TMEM67: variants seen among roughly 807,000 people sequenced by gnomAD.
The protein encoded by TMEM67 is transmembrane protein 67.
A neutral mutation model predicts 136.6 loss-of-function variants in TMEM67; 124 were observed. The ratio of observed to expected loss-of-function variants is 0.91; its 90% confidence interval spans 0.78 to 1.05. The LOEUF is 1.05. Ranked by LOEUF, TMEM67 falls within the 50% of genes least tolerant of loss-of-function variation. TMEM67 has a pLI of 0.00. For synonymous variants in TMEM67, 364 were observed against 390.5 expected, an observed-to-expected ratio of 0.93 and a Z score of 0.80; for missense variants, 1,107 against 1,178.4, an observed-to-expected ratio of 0.94 and a Z score of 0.89.
Position 93,782,469 on chromosome 8 carries a change from G to C in TMEM67, c.1131+9G>C. On this transcript the variant is annotated intron_variant, in intron 11 of 27. Coordinates refer to ENST00000453321, the MANE Select transcript of TMEM67 (RefSeq NM_153704.6). ...CAACCTACCAACAAAATGTAAGTTT[G>C]AACGATATTAGTCTATATTTTAGCT... 1 of 1,598,846 alleles carries C rather than the reference G, an allele frequency of 6.3e-7. No homozygotes were observed. The highest frequency in any genetic ancestry group is 8.6e-7 in the Non-Finnish European group (1 of 1,168,726).
chr8:93,767,289 G>A (rs919199273), intron 6 of TMEM67, among the ~76,000 whole-genome samples: 1 of 152,190 alleles, frequency 6.6e-6, no homozygotes, highest in African/African-American at 2.4e-5. Context: ...GTGTCTACCT[G>A]TGCCACCACT....
intron 7 of TMEM67, among the ~76,000 whole-genome samples, chr8:93,774,280 G>T (rs948985566): frequency 2.0e-5 from 3 of 152,202 alleles, no homozygotes; most frequent in African/African-American, 7.2e-5. Context: ...CTCGCAAAGT[G>T]CTGGGATTAC....
Position 93,809,041 on chromosome 8 carries a change from C to A in TMEM67, c.2557-16C>A. ...AGAACATAACACTTTGTATTCATTT[C>A]TCTTTTTTACATTAGAAAAATGGTC... is the stretch of plus-strand genomic sequence containing the variant. On this transcript the variant is annotated splice_polypyrimidine_tract_variant and intron_variant, in intron 24 of 27. Coordinates refer to ENST00000453321, the MANE Select transcript of TMEM67 (RefSeq NM_153704.6). The A allele has an allele frequency of 1.3e-6, 2 of 1,568,894 alleles. No individual in the cohort carries two copies. Among genetic ancestry groups the A allele is most frequent in the Non-Finnish European group, 1.8e-6 (2 of 1,139,262 alleles).
chr8:93,823,246 C>G (rs1291171825), downstream of TMEM67, among the ~76,000 whole-genome samples: 9 of 152,150 alleles, frequency 5.9e-5, no homozygotes, highest in Non-Finnish European at 1.0e-4. Context: ...AAGGAAGACC[C>G]CCTCTTTGAC....
intron 13 of TMEM67, among the ~76,000 whole-genome samples, chr8:93,787,309 T>C (rs1814156551): frequency 1.3e-5 from 2 of 152,160 alleles, no homozygotes; most frequent in African/African-American, 4.8e-5. Context: ...GGTCTTGCTA[T>C]GTTGCCCAGA....
Position 93,763,880 on chromosome 8 carries a change from A to G in TMEM67, c.445A>G (p.Thr149Ala). 1 of 1,613,970 alleles carries G rather than the reference A, an allele frequency of 6.2e-7. No individual in the cohort carries two copies. The highest frequency in any genetic ancestry group is 1.1e-5 in the South Asian group (1 of 91,072). Reference sequence around the variant, plus strand: ...TAATGGAACATTGTTGTCTCAAGCAACTTGTGAGCTCTGTGATGGAAATGA... The same window carrying G: ...TAATGGAACATTGTTGTCTCAAGCAGCTTGTGAGCTCTGTGATGGAAATGA... The part of the protein sequence containing the change: ...DINGTLLSQA[T>A]CELCDGNENS... The change falls in exon 4 of 28, where the codon ACT becomes GCT. Residue 149 changes from threonine (T) to alanine (A), a missense_variant. By Grantham distance (58) the Thr-to-Ala change is moderately conservative (BLOSUM62 0). Coordinates refer to ENST00000453321, the MANE Select transcript of TMEM67 (RefSeq NM_153704.6).
chr8:93,797,142 A>ATGAGC lies in TMEM67; in HGVS notation c.1870_1871insGAGCT (p.Phe624Ter). 6 of 1,605,200 alleles carry ATGAGC rather than the reference A, an allele frequency of 3.7e-6. No individual in the cohort carries two copies. The highest frequency in any genetic ancestry group is 5.1e-6 in the Non-Finnish European group (6 of 1,172,546). On this transcript the variant is annotated stop_gained and frameshift_variant, in exon 19 of 28. Coordinates refer to ENST00000453321, the MANE Select transcript of TMEM67 (RefSeq NM_153704.6). LOFTEE classifies it high-confidence loss of function. ...TTATATGTCATTCTCAGGCACTACA[A>ATGAGC]TTTTTGCATAAGCTCATATCCCAGA...
Position 93,800,256 on chromosome 8 carries a change from C to T in TMEM67, c.2241+498C>T, listed in dbSNP as rs200877908. 3.9e-5 allele frequency among the ~76,000 whole-genome samples: 6 copies of T among 152,152 alleles called. No individual in the cohort carries two copies. In the East Asian group the frequency reaches 1.2e-3, roughly 29 times the overall value. On this transcript the variant is annotated intron_variant, in intron 21 of 27. Coordinates refer to ENST00000453321, the MANE Select transcript of TMEM67 (RefSeq NM_153704.6). ...TATTAGTCACTGTGCTAATTAATTA[C>T]TGTTGGTCCATCACTTCTTGGCCTT...
chr8:93,814,845 G>C (rs1277821145), intron 26 of TMEM67, among the ~76,000 whole-genome samples: 1 of 152,032 alleles, frequency 6.6e-6, no homozygotes, highest in Non-Finnish European at 1.5e-5. Flanking sequence ...CTCGCTGGTG[G>C]AGTGAGAAGA....
intron 3 of TMEM67, chr8:93,759,784 G>T (rs1812742586): frequency 2.6e-6 from 1 of 379,858 alleles, no homozygotes; most frequent in Non-Finnish European, 4.9e-6. Flanking sequence ...GAGTAGTTGG[G>T]ATTATAGGCA....
At chr8:93,812,598 G>A (rs28608498) in intron 26 of TMEM67, among the ~76,000 whole-genome samples, 175 of 152,284 alleles carry the variant, frequency 1.1e-3, no homozygotes, top group African/African-American at 3.9e-3. Flanking sequence ...CTTGCCTAGC[G>A]TTTCTGAACT....
intron 2 of TMEM67, among the ~76,000 whole-genome samples, chr8:93,757,575 G>T (rs572773359): frequency 5.9e-5 from 9 of 151,540 alleles, no homozygotes; most frequent in African/African-American, 1.2e-4. Context: ...GGCAGAGCTT[G>T]CAGTGAGCCG....
At chr8:93,789,596 G>A (rs1814275404) in intron 14 of TMEM67, among the ~76,000 whole-genome samples, 1 of 150,464 alleles carries the variant, frequency 6.6e-6, no homozygotes, top group Non-Finnish European at 1.5e-5. Flanking sequence ...AGTGAGCCGA[G>A]AGCACGCCAT....
Position 93,816,404 on chromosome 8 carries a change from A to G in TMEM67, c.2940A>G (p.Gln980=). 3 of 1,595,066 alleles carry G rather than the reference A, an allele frequency of 1.9e-6. No homozygotes were observed. The highest frequency in any genetic ancestry group is 1.3e-5 in the African/African-American group (1 of 74,652). Residue 980 remains glutamine, a synonymous_variant, in exon 28 of 28, where the codon CAA becomes CAG. Transcript: ENST00000453321. The stretch of plus-strand genomic sequence containing the variant: ...GATATATCCGTAATACAGTAGGACA[A>G]AAGAATTTGGCATCCAAAACATTGG... ...IFRYIRNTVG[Q]KNLASKTLVD...
rs765680757 is a variant in TMEM67 at position 93,797,447 on chromosome 8, C to T, written c.2077C>T (p.Leu693Phe). Residue 693 changes from leucine (L) to phenylalanine (F), a missense_variant, in exon 20 of 28, where the codon CTT becomes TTT. Around this residue, in one of 3 missense-constraint regions of TMEM67, gnomAD observed 925 missense variants for 1,002.4 expected, o/e 0.92. Coordinates refer to ENST00000453321, the MANE Select transcript of TMEM67 (RefSeq NM_153704.6). ...VRKINSLFQV[L>F]TVLFFLEVVG... ...AAAAATTAATTCACTCTTTCAAGTA[C>T]TTACTGTCCTCTTCTTTTTGGAGGT... is the stretch of plus-strand genomic sequence containing the variant. 3 of 1,613,760 alleles carry T rather than the reference C, an allele frequency of 1.9e-6. No individual in the cohort carries two copies. The highest frequency in any genetic ancestry group is 1.3e-5 in the African/African-American group (1 of 74,916).
chr8:93,809,895 C>G lies in TMEM67; in HGVS notation c.2764+8C>G. On this transcript the variant is annotated splice_region_variant and intron_variant, in intron 26 of 27. Coordinates refer to ENST00000453321, the MANE Select transcript of TMEM67 (RefSeq NM_153704.6). ...AAAGCATCTTTTACAATGGTATCTT[C>G]TAAATCCCTTTGTAGAACTTGATAA... 6.6e-7 allele frequency: 1 copy of G among 1,517,790 alleles called. No individual in the cohort carries two copies. Among genetic ancestry groups the G allele is most frequent in the Non-Finnish European group, 9.1e-7 (1 of 1,094,472 alleles). 94.0% of individuals were successfully genotyped at this position (1,517,790 alleles called of 1,614,324 possible). A position where few individuals can be genotyped will look rare whatever the true frequency, so the allele number is the denominator to read the frequency against.
At chr8:93,754,883 C>A, upstream of TMEM67, 2 of 1,600,700 alleles carry the variant, frequency 1.2e-6, no homozygotes, top group Non-Finnish European at 1.7e-6. Flanking sequence ...TGATGGGGGG[C>A]TGGAGGCTGT....
At chr8:93,809,752 T>C (rs1808620912) in intron 25 of TMEM67, 33 bp from the exon 26 acceptor site, 1 of 1,248,928 alleles carries the variant, frequency 8.0e-7, no homozygotes, top group East Asian at 2.3e-5. Flanking sequence ...TTCACTACTG[T>C]TTGTGAAATG....
At chr8:93,819,249 C>T, downstream of TMEM67, 1 of 425,734 alleles carries the variant, frequency 2.3e-6, no homozygotes, top group Non-Finnish European at 4.6e-6. Context: ...GATTACTGAT[C>T]TCAATAACTG....
Sources: gnomAD v4.1 joint callset for allele counts (sites outside exome capture counted in the v4.1 genomes callset) on GRCh38, gnomAD v4.1.1 for gene constraint, gnomAD v4.1.1 regional missense constraint, MANE v1.5 for transcripts, NCBI Gene and HGNC (gene_info 2026-07-23, HGNC 2026-07-21) for gene names.